ROBO1: variants seen among roughly 807,000 people sequenced by gnomAD.
ROBO1 encodes roundabout homolog 1.
In ROBO1, 149 loss-of-function variants were observed where a neutral mutation model predicts 195.9. The ratio of observed to expected loss-of-function variants is 0.76; its 90% CI spans 0.67 to 0.87. The LOEUF (loss-of-function observed/expected upper bound fraction) is 0.87. Among genes scored for constraint, ROBO1 ranks in the 40% least tolerant of loss-of-function variants. ROBO1 has a pLI of 0.00. For synonymous variants in ROBO1, 816 were observed against 733.2 expected (o/e 1.11, Z -1.82); for missense variants, 1,933 against 2,068.3 (o/e 0.93, Z 1.27).
chr3:79,645,603 C>A (rs1017048589), intron 1 of ROBO1, among the ~76,000 whole-genome samples: 2 of 152,070 alleles, frequency 1.3e-5, no homozygotes. Context: ...TGACATTCTT[C>A]ACAGAAATAG....
At chr3:79,651,956 G>A (rs919849560) in intron 1 of ROBO1, among the ~76,000 whole-genome samples, 1 of 151,878 alleles carries the variant, frequency 6.6e-6, no homozygotes, top group African/African-American at 2.4e-5. Context: ...CAACTTATCC[G>A]TTGCAATGCC....
chr3:79,577,812 T>A (rs1943540111), intron 2 of ROBO1, among the ~76,000 whole-genome samples: 1 of 151,180 alleles, frequency 6.6e-6, no homozygotes. Flanking sequence ...CTCAAGAGGC[T>A]GATGCAGGAG....
intron 2 of ROBO1, among the ~76,000 whole-genome samples, chr3:79,501,605 C>G (rs1378297653): frequency 6.6e-6 from 1 of 152,154 alleles, no homozygotes; most frequent in Non-Finnish European, 1.5e-5. Flanking sequence ...GCTATCAAAG[C>G]TTTTAGAATA....
At chr3:79,742,772 C>A (rs1703703787) in intron 1 of ROBO1, among the ~76,000 whole-genome samples, 1 of 152,096 alleles carries the variant, frequency 6.6e-6, no homozygotes, top group Non-Finnish European at 1.5e-5. Context: ...AATTCCTTTT[C>A]TTATTATTAT....
intron 4 of ROBO1, among the ~76,000 whole-genome samples, chr3:78,860,587 G>A (rs116737597): frequency 0.02 from 2,979 of 152,114 alleles, 42 homozygotes; most frequent in Middle Eastern, 0.044. Context: ...TAAGTAACTA[G>A]TCTAACCACA....
intron 4 of ROBO1, among the ~76,000 whole-genome samples, chr3:78,871,282 A>G (rs1410010821): frequency 6.6e-6 from 1 of 152,236 alleles, no homozygotes; most frequent in Non-Finnish European, 1.5e-5. Context: ...CATTTCTCAG[A>G]GCCAGTCATT....
intron 2 of ROBO1, among the ~76,000 whole-genome samples, chr3:79,209,955 A>G (rs1214215258): frequency 1.3e-5 from 2 of 152,132 alleles, no homozygotes; most frequent in Non-Finnish European, 2.9e-5. Flanking sequence ...TGCAAAACAA[A>G]AACAAATACA....
chr3:79,229,651 T>C (rs1438878786), intron 2 of ROBO1, among the ~76,000 whole-genome samples: 1 of 152,094 alleles, frequency 6.6e-6, no homozygotes, highest in Non-Finnish European at 1.5e-5. Flanking sequence ...TCTCACTTTA[T>C]TGCCCAGGCT....
At chr3:78,887,011 T>A (rs2036608839) in intron 4 of ROBO1, among the ~76,000 whole-genome samples, 1 of 152,212 alleles carries the variant, frequency 6.6e-6, no homozygotes, top group Non-Finnish European at 1.5e-5. Flanking sequence ...TCTGTATGCA[T>A]ATTTCAGTTA....
intron 2 of ROBO1, among the ~76,000 whole-genome samples, chr3:79,442,108 T>C (rs1336686031): frequency 6.6e-6 from 1 of 152,098 alleles, no homozygotes; most frequent in East Asian, 1.9e-4. Flanking sequence ...TGCAAATAAA[T>C]AAATAATAAA....
intron 2 of ROBO1, among the ~76,000 whole-genome samples, chr3:79,467,461 G>A (rs1278595988): frequency 3.3e-5 from 5 of 151,104 alleles, no homozygotes; most frequent in African/African-American, 4.9e-5. Flanking sequence ...CAGGCTCCAC[G>A]AGCAGACAAG....
intron 4 of ROBO1, among the ~76,000 whole-genome samples, chr3:78,811,036 A>G (rs1028833579): frequency 5.3e-5 from 8 of 152,134 alleles, no homozygotes; most frequent in Non-Finnish European, 1.2e-4. Flanking sequence ...GTAACTGGGC[A>G]GTTTGCTTTA....
At chr3:79,353,431 G>A (rs1218435503) in intron 2 of ROBO1, among the ~76,000 whole-genome samples, 8 of 136,504 alleles carry the variant, frequency 5.9e-5, no homozygotes, top group African/African-American at 1.9e-4. Flanking sequence ...ACACACACAC[G>A]CACAGAAGCA....
chr3:79,281,458 T>C (rs2031501705), intron 2 of ROBO1, among the ~76,000 whole-genome samples: 1 of 152,076 alleles, frequency 6.6e-6, no homozygotes, highest in Non-Finnish European at 1.5e-5. Flanking sequence ...TTAGGAGAAA[T>C]TTATAAAACA....
intron 2 of ROBO1, among the ~76,000 whole-genome samples, chr3:79,403,651 C>T (rs1458869877): frequency 6.6e-6 from 1 of 151,876 alleles, no homozygotes; most frequent in African/African-American, 2.4e-5. Flanking sequence ...GTTCAAATCA[C>T]TAATTTTAAA....
chr3:79,737,924 C>T (rs1258552050), intron 1 of ROBO1, among the ~76,000 whole-genome samples: 3 of 152,174 alleles, frequency 2.0e-5, no homozygotes, highest in Non-Finnish European at 2.9e-5. Flanking sequence ...CACCTATCTT[C>T]ACATCTTATT....
At chr3:78,953,435 G>A (rs2040889080) in intron 3 of ROBO1, among the ~76,000 whole-genome samples, 1 of 151,988 alleles carries the variant, frequency 6.6e-6, no homozygotes, top group Non-Finnish European at 1.5e-5. Flanking sequence ...TCCATTAGTT[G>A]TTTACCTGTA....
chr3:78,997,940 T>A (rs1360168089), intron 3 of ROBO1, among the ~76,000 whole-genome samples: 1 of 152,194 alleles, frequency 6.6e-6, no homozygotes, highest in Admixed American at 6.6e-5. Context: ...AAGACCTTAA[T>A]GTGTAAACAT....
chr3:78,752,319 T>C (rs2082817429), intron 4 of ROBO1, among the ~76,000 whole-genome samples: 1 of 152,182 alleles, frequency 6.6e-6, no homozygotes. Context: ...ACATACTTTG[T>C]GTCTGGCAGC....
Sources: allele counts gnomAD v4.1 joint callset (sites outside exome capture counted in the v4.1 genomes callset), GRCh38; gene constraint gnomAD v4.1.1; transcripts MANE v1.5; gene names NCBI Gene and HGNC (gene_info 2026-07-23, HGNC 2026-07-21).